The following BAG4 variants were observed in gnomAD, a reference collection of about 807,000 sequenced individuals.
BAG4 encodes the protein BAG family molecular chaperone regulator 4.
In BAG4, 28 loss-of-function variants were observed where a neutral mutation model predicts 52.1. That is an observed-to-expected ratio of 0.54 (90% confidence interval 0.40 to 0.74). The LOEUF is 0.74. BAG4 is among the 30% of genes least tolerant of loss of function. The pLI is 0.00. For missense variants in BAG4, 525 were observed against 572.0 expected, an observed-to-expected ratio of 0.92 and a Z score of 0.84; for synonymous variants, 208 against 217.0, an observed-to-expected ratio of 0.96 and a Z score of 0.37.
intron 1 of BAG4, among the ~76,000 whole-genome samples, chr8:38,179,396 ATCC>A (rs982836162): frequency 1.3e-5 from 2 of 151,480 alleles, no homozygotes; most frequent in Admixed American, 6.6e-5. Flanking sequence ...ATCTCAGGGT[ATCC>A]TCCTGCCTCG....
chr8:38,192,297 T>G (rs1803489002), intron 1 of BAG4, among the ~76,000 whole-genome samples: 1 of 152,188 alleles, frequency 6.6e-6, no homozygotes, highest in Non-Finnish European at 1.5e-5. Flanking sequence ...TAGAATTCCT[T>G]TATATAGCAT....
chr8:38,194,665 T>G (rs1342602610), intron 2 of BAG4, among the ~76,000 whole-genome samples: 1 of 151,062 alleles, frequency 6.6e-6, no homozygotes, highest in African/African-American at 2.4e-5. Context: ...CCGCCCACCT[T>G]GGCCTCCCAA....
At chr8:38,201,801 T>C (rs1335892961) in intron 2 of BAG4, 1 of 132,292 alleles carries the variant, frequency 7.6e-6, no homozygotes, top group African/African-American at 2.8e-5. Flanking sequence ...GCCAAGAATA[T>C]GTAATTTCAT....
intron 1 of BAG4, among the ~76,000 whole-genome samples, chr8:38,191,732 C>A (rs1334162341): frequency 1.4e-5 from 2 of 145,782 alleles, no homozygotes; most frequent in Admixed American, 1.4e-4. Context: ...TGCACTCCAG[C>A]CTGGGCAACA....
intron 1 of BAG4, among the ~76,000 whole-genome samples, chr8:38,188,223 AG>A (rs1335498959): frequency 2.6e-5 from 4 of 152,112 alleles, no homozygotes; most frequent in African/African-American, 9.7e-5. Flanking sequence ...AAAAACAAAA[AG>A]TAAAAATAAA....
chr8:38,185,232 A>G (rs989896834), intron 1 of BAG4, among the ~76,000 whole-genome samples: 1 of 152,192 alleles, frequency 6.6e-6, no homozygotes, highest in Non-Finnish European at 1.5e-5. Flanking sequence ...AGACCTTTCC[A>G]AAGGGCAGAA....
rs1363773740 is a variant in BAG4, at chr8:38,210,204, G to A, written c.1085G>A (p.Ser362Asn). 2.4e-5 allele frequency: 39 copies of A among 1,614,022 alleles called. No individual in the cohort carries two copies. The highest frequency in any genetic ancestry group is 3.2e-5 in the Non-Finnish European group (38 of 1,180,052). Residue 362 changes from serine to asparagine, a missense_variant, in exon 5 of 5, where the codon AGT (serine) becomes AAT (asparagine). Around this residue, in one of 2 missense-constraint regions of BAG4, gnomAD observed 238 missense variants for 305.8 expected, o/e 0.78. Coordinates refer to ENST00000287322, the MANE Select transcript of BAG4 (RefSeq NM_004874.4). Reference sequence around the variant, plus strand: ...GACCATCCCAACAATCAAGATCAAAGTAGCAGTCTTCCTGAAGAATGTGTA... The same window carrying A: ...GACCATCCCAACAATCAAGATCAAAATAGCAGTCTTCCTGAAGAATGTGTA... ...TSDHPNNQDQ[S>N]SSLPEECVPS...
At chr8:38,181,538 A>G (rs1409930267) in intron 1 of BAG4, among the ~76,000 whole-genome samples, 1 of 151,696 alleles carries the variant, frequency 6.6e-6, no homozygotes, top group African/African-American at 2.4e-5. Context: ...GGAGTTTGAG[A>G]CCAGCCTGGC....
chr8:38,181,915 A>AAAAAAAAAG (rs1554506184), intron 1 of BAG4, among the ~76,000 whole-genome samples: 1 of 134,680 alleles, frequency 7.4e-6, no homozygotes, highest in Non-Finnish European at 1.6e-5. Context: ...AAAAAAAAAA[A>AAAAAAAAAG]AGGAAGTAAG....
intron 1 of BAG4, among the ~76,000 whole-genome samples, chr8:38,192,446 A>G (rs1281195274): frequency 6.6e-6 from 1 of 151,562 alleles, no homozygotes; most frequent in African/African-American, 2.4e-5. Context: ...TTTTTCTTTT[A>G]TTTTTTGTTT....
At position 38,176,859 on chromosome 8, in the gene BAG4, C is replaced by A. The variant is rs1229543039; in HGVS notation, c.-11C>A. The A allele has an allele frequency of 1.3e-6, 2 of 1,494,482 alleles. No homozygotes were observed. Among genetic ancestry groups the A allele is most frequent in the South Asian group, 1.3e-5 (1 of 76,778 alleles). 92.6% of individuals were successfully genotyped at this position (1,494,482 alleles called of 1,614,324 possible). A position where few individuals can be genotyped will look rare whatever the true frequency, so the allele number is the denominator to read the frequency against. On this transcript the variant is annotated 5_prime_UTR_variant, in exon 1 of 5. Coordinates refer to ENST00000287322, the MANE Select transcript of BAG4 (RefSeq NM_004874.4). Reference sequence around the variant, plus strand: ...GAGCGGGGCGGGAAGCGCTTCAGGGCAGCGGATCCCATGTCGGCCCTGAGG... The same window carrying A: ...GAGCGGGGCGGGAAGCGCTTCAGGGAAGCGGATCCCATGTCGGCCCTGAGG...
At chr8:38,206,774 AT>A in intron 2 of BAG4, among the ~76,000 whole-genome samples, 1 of 151,850 alleles carries the variant, frequency 6.6e-6, no homozygotes, top group East Asian at 1.9e-4. Flanking sequence ...TTTTTAAATA[AT>A]TTTTTTGTTT....
chr8:38,194,537 T>A (rs1251962360), intron 2 of BAG4, among the ~76,000 whole-genome samples: 2 of 147,786 alleles, frequency 1.4e-5, no homozygotes, highest in Non-Finnish European at 3.0e-5. Context: ...CGCCTCAGCC[T>A]CCCGAGTAGC....
intron 2 of BAG4, among the ~76,000 whole-genome samples, chr8:38,205,155 T>C (rs1803747434): frequency 6.6e-6 from 1 of 151,146 alleles, no homozygotes; most frequent in African/African-American, 2.4e-5. Context: ...CTCAGCCTCC[T>C]GTGTAGCTAA....
chr8:38,179,106 A>G (rs1341808224), intron 1 of BAG4, among the ~76,000 whole-genome samples: 1 of 152,244 alleles, frequency 6.6e-6, no homozygotes, highest in Non-Finnish European at 1.5e-5. Context: ...TGATTATATC[A>G]CAGTGTAAAC....
chr8:38,209,391 A>G, intron 4 of BAG4, 124 bp downstream of exon 4: 2 of 1,305,518 alleles, frequency 1.5e-6, no homozygotes, highest in East Asian at 2.4e-5. Context: ...GTGACTACTT[A>G]TCTATAGCTT....
chr8:38,188,282 G>A (rs1803402277), intron 1 of BAG4, among the ~76,000 whole-genome samples: 1 of 151,030 alleles, frequency 6.6e-6, no homozygotes, highest in Admixed American at 6.7e-5. Flanking sequence ...CATGGATTAA[G>A]CAATCTAGTC....
intron 3 of BAG4, among the ~76,000 whole-genome samples, chr8:38,208,283 C>T (rs1446770083): frequency 7.1e-6 from 1 of 140,602 alleles, no homozygotes; most frequent in East Asian, 2.2e-4. Context: ...CAAATCTTAG[C>T]CTTTTTTAGC....
chr8:38,208,954 A>G (rs575911249), intron 3 of BAG4, 59 bp from the exon 4 acceptor site: 4 of 1,556,766 alleles, frequency 2.6e-6, no homozygotes, highest in East Asian at 2.3e-5. Context: ...TGCCTGTAGC[A>G]GAATATTTTT....
Sources: gnomAD v4.1 joint callset for allele counts (sites outside exome capture counted in the v4.1 genomes callset) on GRCh38, gnomAD v4.1.1 for gene constraint, gnomAD v4.1.1 regional missense constraint, MANE v1.5 for transcripts, NCBI Gene and HGNC (gene_info 2026-07-23, HGNC 2026-07-21) for gene names.